BCL9L: variants seen among roughly 807,000 people sequenced by gnomAD.
The protein encoded by BCL9L is BCL9 like.
A neutral mutation model predicts 99.4 loss-of-function variants in BCL9L; 19 were observed. That is an observed-to-expected ratio of 0.19 (90% CI 0.13 to 0.28). The LOEUF (loss-of-function observed/expected upper bound fraction) is 0.28. Ranked by LOEUF, BCL9L falls within the 10% of genes least tolerant of loss-of-function variation. BCL9L has a pLI of 1.00. For missense variants in BCL9L, 2,023 were observed against 2,101.6 expected (o/e 0.96, Z 0.73); for synonymous variants, 900 against 854.8 (o/e 1.05, Z -0.92).
intron 2 of BCL9L, among the ~76,000 whole-genome samples, chr11:118,918,256 G>A (rs1160136898): frequency 6.7e-6 from 1 of 149,322 alleles, no homozygotes; most frequent in East Asian, 1.9e-4. Context: ...CTGGCGGAGG[G>A]AAGAGGCTGT....
rs1049506005 is a variant in BCL9L, at chr11:118,914,401, C to T, written c.-76-4386G>A. On this transcript the variant is annotated intron_variant, in intron 2 of 9. Transcript: ENST00000683865. This position sits in a 1 kb window ranked among gnomAD's most constrained non-coding sequence, Gnocchi z 4.4. Reference sequence around the variant, plus strand: ...CAGCGCCCGCCCGCCTGCCTGCCTGCTCTGCTCTCTCCCCAGGTACAGCCA... The same window carrying T: ...CAGCGCCCGCCCGCCTGCCTGCCTGTTCTGCTCTCTCCCCAGGTACAGCCA... Among the ~76,000 whole-genome samples the T allele has an allele frequency of 6.6e-6, 1 of 152,208 alleles. No individual in the cohort carries two copies. The highest frequency in any genetic ancestry group is 1.5e-5 in the Non-Finnish European group (1 of 68,020).
chr11:118,900,829 G>T lies in BCL9L; in HGVS notation c.2914C>A (p.Pro972Thr). ...VPLPSANPPG[P>T]LKSPQVLGSS... ...CCGAGGACCTGGGGCGACTTGAGAG[G>T]TCCTGGCGGGTTGGCAGAAGGCAAG... The change falls in exon 8 of 10, where the codon CCT becomes ACT. Residue 972 changes from proline to threonine, a missense_variant. Pro to Thr is a conservative substitution (Grantham distance 38). Transcript: ENST00000683865. This position sits in a 1 kb window ranked among gnomAD's most constrained non-coding sequence, Gnocchi z 5.3. 1.2e-6 allele frequency: 2 copies of T among 1,613,500 alleles called. No homozygotes were observed. The highest frequency in any genetic ancestry group is 1.1e-5 in the South Asian group (1 of 91,068).
Position 118,903,545 on chromosome 11 carries a change from G to A in BCL9L, c.533-93C>T. On this transcript the variant is annotated intron_variant, in intron 5 of 9. Transcript: ENST00000683865. The surrounding 1 kb of genome is among the most constrained non-coding windows in gnomAD (Gnocchi z 5.6). ...TCCCACTGATGCTCACAGCCTTACAGCTCGTGCCCACAGGGACATTTGATG... is the reference window on the plus strand; with the variant it reads ...TCCCACTGATGCTCACAGCCTTACAACTCGTGCCCACAGGGACATTTGATG... 1 of 1,365,632 alleles carries A rather than the reference G, an allele frequency of 7.3e-7. No individual in the cohort carries two copies. The allele number at this position is 1,365,632 out of a possible 1,614,324, so 84.6% of individuals were successfully genotyped here.
At position 118,902,489 on chromosome 11, in the gene BCL9L, C is replaced by T. The variant is rs775919375; in HGVS notation, c.1254G>A (p.Glu418=). The part of the protein sequence containing the change: ...ERSLQTLRDI[E]RLLLRSGETE... ...TCTCTCCGCTGCGGAGCAGCAGTCG[C>T]TCAATGTCTCGCAGCGTCTGGAGGG... is the stretch of plus-strand genomic sequence containing the variant. The change falls in exon 8 of 10, where the codon GAG becomes GAA. Residue 418 remains glutamate (E), a synonymous_variant. Coordinates refer to ENST00000683865, the MANE Select transcript of BCL9L (RefSeq NM_001378213.1). The surrounding 1 kb of genome is among the most constrained non-coding windows in gnomAD (Gnocchi z 7.8). The T allele has an allele frequency of 1.9e-6, 3 of 1,609,574 alleles. No individual in the cohort carries two copies. Among genetic ancestry groups the T allele is most frequent in the African/African-American group, 2.7e-5 (2 of 74,918 alleles).
rs781175611 is a variant in BCL9L, at chr11:118,900,213, A to G, written c.3125-15T>C. 6 of 1,574,872 alleles carry G rather than the reference A, an allele frequency of 3.8e-6. No homozygotes were observed. Among genetic ancestry groups the G allele is most frequent in the Non-Finnish European group, 5.2e-6 (6 of 1,157,860 alleles). ...CGGGAGGGTACCTACAGAAACGGGG[A>G]GACAAAGAGAGCAGGGGTGACTGGG... On this transcript the variant is annotated splice_polypyrimidine_tract_variant and intron_variant, in intron 8 of 9. Transcript: ENST00000683865. This position sits in a 1 kb window ranked among gnomAD's most constrained non-coding sequence, Gnocchi z 5.3.
intron 5 of BCL9L, among the ~76,000 whole-genome samples, chr11:118,906,733 G>A (rs113075605): frequency 9.2e-5 from 14 of 151,654 alleles, no homozygotes; most frequent in African/African-American, 3.4e-4. Flanking sequence ...TGTTGGCCAG[G>A]CTGTTCTTGA....
chr11:118,917,567 A>G (rs1024756467), intron 2 of BCL9L, among the ~76,000 whole-genome samples: 1 of 152,176 alleles, frequency 6.6e-6, no homozygotes. Context: ...GCACCACAGT[A>G]TCAGTCCTCT....
In BCL9L at chr11:118,902,287, G is replaced by A. The variant is rs996254864; in HGVS notation, c.1456C>T (p.His486Tyr). ...TQSLGGPPLEHEVPGHPPGGD... is the reference protein window; with the variant it reads ...TQSLGGPPLEYEVPGHPPGGD... Reference sequence around the variant, plus strand: ...CCCGGGGGGTGCCCAGGCACTTCATGCTCCAGCGGGGGGCCCCCTAGGCTC... The same window carrying A: ...CCCGGGGGGTGCCCAGGCACTTCATACTCCAGCGGGGGGCCCCCTAGGCTC... Residue 486 changes from histidine (H) to tyrosine (Y), a missense_variant, in exon 8 of 10, where the codon CAT becomes TAT. This residue lies in a region of BCL9L where 1,116 missense variants were observed against 1,194.6 expected (regional missense o/e 0.93). Transcript: ENST00000683865. The surrounding 1 kb of genome is among the most constrained non-coding windows in gnomAD (Gnocchi z 7.8). 1 of 1,584,024 alleles carries A rather than the reference G, an allele frequency of 6.3e-7. No individual in the cohort carries two copies. The highest frequency in any genetic ancestry group is 8.6e-7 in the Non-Finnish European group (1 of 1,163,846).
In BCL9L at chr11:118,902,787, G is replaced by A. The variant is rs1255044356; in HGVS notation, c.956C>T (p.Pro319Leu). Residue 319 changes from proline (P) to leucine (L), a missense_variant, in exon 8 of 10, where the codon CCT becomes CTT. Around this residue, in one of 3 missense-constraint regions of BCL9L, gnomAD observed 1,116 missense variants for 1,194.6 expected, o/e 0.93. Transcript: ENST00000683865. This position sits in a 1 kb window ranked among gnomAD's most constrained non-coding sequence, Gnocchi z 7.8. ...PPPPAPGSAPPALPPEGPPED... is the reference protein window; with the variant it reads ...PPPPAPGSAPLALPPEGPPED... ...AGGAGGCCCCTCTGGGGGCAGAGCAGGCGGGGCACTGCCAGGGGCCGGGGG... is the reference window on the plus strand; with the variant it reads ...AGGAGGCCCCTCTGGGGGCAGAGCAAGCGGGGCACTGCCAGGGGCCGGGGG... The A allele has an allele frequency of 6.4e-7, 1 of 1,569,924 alleles. No individual in the cohort carries two copies. The highest frequency in any genetic ancestry group is 8.6e-7 in the Non-Finnish European group (1 of 1,164,932).
intron 4 of BCL9L, among the ~76,000 whole-genome samples, chr11:118,907,808 TC>T (rs1220611604): frequency 2.0e-5 from 3 of 151,664 alleles, no homozygotes; most frequent in Non-Finnish European, 4.4e-5. Context: ...CTGTCTCCCC[TC>T]CCCCCCAACA....
Position 118,898,687 on chromosome 11 carries a change from CCTG to C in BCL9L, c.4225_4227del (p.Gln1409del), listed in dbSNP as rs1565611217. 1 of 1,611,230 alleles carries C rather than the reference CCTG, an allele frequency of 6.2e-7. No individual in the cohort carries two copies. Among genetic ancestry groups the C allele is most frequent in the South Asian group, 1.1e-5 (1 of 90,834 alleles). Reference sequence around the variant, plus strand: ...TGGTGCAGGCCATGGGGCACCATCCCCTGCTGTGGGGGCACGCCTGTCCTGCCC... The same window carrying C: ...TGGTGCAGGCCATGGGGCACCATCCCCTGTGGGGGCACGCCTGTCCTGCCC... On this transcript the variant is annotated inframe_deletion, in exon 10 of 10. Transcript: ENST00000683865.
Position 118,898,294 on chromosome 11 carries a change from G to GCCCCCCA in BCL9L, c.*120_*121insTGGGGGG. On this transcript the variant is annotated 3_prime_UTR_variant, in exon 10 of 10. Transcript: ENST00000683865. ...TCCACAAATGCCACTCCCTACACAA[G>GCCCCCCA]CCCCCTCCCACCCCCTCCACCCCAC... The GCCCCCCA allele has an allele frequency of 2.2e-6, 1 of 452,312 alleles. No individual in the cohort carries two copies. Among genetic ancestry groups the GCCCCCCA allele is most frequent in the Non-Finnish European group, 4.1e-6 (1 of 244,762 alleles). The allele number at this position is 452,312 out of a possible 1,614,324, so 28.0% of individuals were successfully genotyped here. A position where few individuals can be genotyped will look rare whatever the true frequency, so the allele number is the denominator to read the frequency against.
Position 118,908,256 on chromosome 11 carries a change from A to C in BCL9L, c.412+14T>G. On this transcript the variant is annotated intron_variant, in intron 4 of 9. Coordinates refer to ENST00000683865, the MANE Select transcript of BCL9L (RefSeq NM_001378213.1). ...GGGAGATGCTAGGGTCTTAGGGATG[A>C]GGAAATGGGGTACCTTTGGCCTCTG... 6.5e-7 allele frequency: 1 copy of C among 1,533,718 alleles called. No individual in the cohort carries two copies. Among genetic ancestry groups the C allele is most frequent in the African/African-American group, 1.4e-5 (1 of 72,444 alleles).
At chr11:118,918,058 G>T (rs905096557) in intron 2 of BCL9L, among the ~76,000 whole-genome samples, 3 of 152,188 alleles carry the variant, frequency 2.0e-5, no homozygotes, top group East Asian at 3.8e-4. Flanking sequence ...TGTCCCTTGG[G>T]GGGTGGCTTC....
At position 118,899,477 on chromosome 11, in the gene BCL9L, G is replaced by C; in HGVS notation, c.3438C>G (p.His1146Gln). The C allele has an allele frequency of 6.2e-7, 1 of 1,609,064 alleles. No individual in the cohort carries two copies. The highest frequency in any genetic ancestry group is 1.1e-5 in the South Asian group (1 of 89,880). The part of the protein sequence containing the change: ...GISNSQPSQM[H>Q]LNSAAAQSPM... ...GGCTCTGGGCAGCGGCTGAGTTCAG[G>C]TGCATCTGGCTGGGCTGGCTGTTGC... The change falls in exon 10 of 10, where the codon CAC becomes CAG. Residue 1146 changes from histidine to glutamine, a missense_variant. Around this residue, in one of 3 missense-constraint regions of BCL9L, gnomAD observed 902 missense variants for 888.2 expected, o/e 1.02. Coordinates refer to ENST00000683865, the MANE Select transcript of BCL9L (RefSeq NM_001378213.1).
chr11:118,902,565 A>G lies in BCL9L; in HGVS notation c.1178T>C (p.Leu393Pro), dbSNP rs746245250. ...AAAPGNGQRS[L>P]VGSEGLSKEQ... ...TTTGGACAAGCCCTCTGAGCCCACC[A>G]GGCTGCGCTGCCCATTTCCAGGGGC... is the stretch of plus-strand genomic sequence containing the variant. The change falls in exon 8 of 10, where the codon CTG (leucine) becomes CCG (proline). Residue 393 changes from leucine to proline, a missense_variant. By Grantham distance (98) the Leu-to-Pro change is moderately conservative. Transcript: ENST00000683865. The surrounding 1 kb of genome is among the most constrained non-coding windows in gnomAD (Gnocchi z 7.8). 32 of 1,601,264 alleles carry G rather than the reference A, an allele frequency of 2.0e-5. 1 individual carries two copies. In the South Asian group the frequency reaches 3.4e-4, roughly 17 times the overall value.
rs767650986 is a variant in BCL9L at position 118,908,679 on chromosome 11, GAA to G, written c.27-26_27-25del. 4 of 1,589,314 alleles carry G rather than the reference GAA, an allele frequency of 2.5e-6. No individual in the cohort carries two copies. In the East Asian group the frequency reaches 9.0e-5, roughly 36 times the overall value. On this transcript the variant is annotated intron_variant, in intron 3 of 9. Coordinates refer to ENST00000683865, the MANE Select transcript of BCL9L (RefSeq NM_001378213.1). ...ACCTGGGAGGAGGTGGGAGAAATGTGAAAAGTTAACCTTGCTAGGGGCTAGGC... is the reference window on the plus strand; with the variant it reads ...ACCTGGGAGGAGGTGGGAGAAATGTGAAGTTAACCTTGCTAGGGGCTAGGC...
Position 118,918,081 on chromosome 11 carries a change from C to G in BCL9L, c.-77+745G>C, listed in dbSNP as rs575197579. Among the ~76,000 whole-genome samples the G allele has an allele frequency of 5.9e-5, 9 of 152,242 alleles. No individual in the cohort carries two copies. In the South Asian group the frequency reaches 1.9e-3, roughly 32 times the overall value. ...GGGGGGTGGCTTCAGTGGAGAGGTT[C>G]GGGGCTGAGGTGAGGGGATGAGAAG... On this transcript the variant is annotated intron_variant, in intron 2 of 9. Transcript: ENST00000683865.
At chr11:118,907,433 C>A in intron 5 of BCL9L, 50 bp downstream of exon 5, 1 of 1,613,286 alleles carries the variant, frequency 6.2e-7, no homozygotes, top group African/African-American at 1.3e-5. Context: ...TCAAGTCCAT[C>A]CCCCAGGAAC....
Sources: gnomAD v4.1 joint callset for allele counts (sites outside exome capture counted in the v4.1 genomes callset) on GRCh38, gnomAD v4.1.1 for gene constraint, gnomAD v4.1.1 regional missense constraint, Gnocchi (gnomAD v3.1) non-coding constraint, MANE v1.5 for transcripts, NCBI Gene and HGNC (gene_info 2026-07-23, HGNC 2026-07-21) for gene names.